The following SYNE2 variants were observed in gnomAD, a reference collection of about 807,000 sequenced individuals.
SYNE2 encodes the protein nesprin-2.
Under a neutral mutation model 856.3 loss-of-function variants are expected in SYNE2, and 431 were observed. The observed-to-expected ratio is 0.50, with a 90% CI of 0.47 to 0.55. The LOEUF is 0.55. Ranked by LOEUF, SYNE2 falls within the 20% of genes least tolerant of loss-of-function variation. The pLI is 0.00. For missense variants in SYNE2, 8,129 were observed against 8,023.2 expected, an observed-to-expected ratio of 1.01 and a Z score of -0.50; for synonymous variants, 2,923 against 2,872.3, an observed-to-expected ratio of 1.02 and a Z score of -0.56.
At position 64,225,400 on chromosome 14, in the gene SYNE2, G is replaced by A. The variant is rs369949914; in HGVS notation, c.20598G>A (p.Leu6866=). 7.3e-5 allele frequency: 117 copies of A among 1,613,424 alleles called. No homozygotes were observed. The highest frequency in any genetic ancestry group is 9.4e-5 in the Non-Finnish European group (111 of 1,179,724). ...RAALPLQLLL[L]LLLLLACLLP... ...CCCTACCCCTGCAGCTGCTCCTCCT[G>A]CTGCTGCTGCTCCTGGCCTGCCTGC... Residue 6866 remains leucine, a synonymous_variant, in exon 116 of 116, where the codon CTG becomes CTA. Coordinates refer to ENST00000555002, the MANE Select transcript of SYNE2 (RefSeq NM_182914.3).
intron 1 of SYNE2, among the ~76,000 whole-genome samples, chr14:63,773,341 G>A (rs954933714): frequency 9.9e-5 from 15 of 151,666 alleles, no homozygotes; most frequent in Non-Finnish European, 1.8e-4. Flanking sequence ...CTGGTACCAC[G>A]GGTGCACACG....
At chr14:63,880,850 AT>A (rs879905508) in intron 1 of SYNE2, among the ~76,000 whole-genome samples, 140 of 137,854 alleles carry the variant, frequency 1.0e-3, no homozygotes, top group Admixed American at 1.4e-3. Context: ...TTTAAAAAAA[AT>A]TTTTTTTTTT....
chr14:63,942,022 CCTT>C (rs1566861876), intron 5 of SYNE2, 26 bp from the exon 6 acceptor site: 1 of 1,596,400 alleles, frequency 6.3e-7, no homozygotes, highest in East Asian at 2.2e-5. Flanking sequence ...GATATTTCCT[CCTT>C]TTAACCTGCA....
At chr14:64,079,004 G>A (rs2097495607) in intron 55 of SYNE2, among the ~76,000 whole-genome samples, 1 of 152,128 alleles carries the variant, frequency 6.6e-6, no homozygotes, top group Non-Finnish European at 1.5e-5. Flanking sequence ...CCCAGGAGAT[G>A]GAGGTTGCAA....
intron 38 of SYNE2, chr14:64,024,019 G>A (rs1320096685): frequency 1.1e-5 from 5 of 463,506 alleles, no homozygotes. Context: ...TCCTGGTCTT[G>A]CTCCTGCTGA....
chr14:64,126,846 T>C, intron 73 of SYNE2, 39 bp downstream of exon 73: 1 of 1,596,786 alleles, frequency 6.3e-7, no homozygotes, highest in Non-Finnish European at 8.5e-7. Context: ...GGCACTGTTT[T>C]AAGTTACAGC....
chr14:64,223,323 ACT>A lies in SYNE2; in HGVS notation c.20327_20328del (p.Leu6776GlnfsTer145). On this transcript the variant is annotated frameshift_variant, in exon 113 of 116. Coordinates refer to ENST00000555002, the MANE Select transcript of SYNE2 (RefSeq NM_182914.3). LOFTEE classifies it high-confidence loss of function. The stretch of plus-strand genomic sequence containing the variant: ...AAAAGGTGCATGTTATTGAGAAGAA[ACT>A]CAAACAGTTACGGGAGCAAGTGTCC... Reference protein sequence around the residue: ...EEKVHVIEKKLKQLREQVSQD... With the variant: ...EEKVHVIEKKXKQLREQVSQD... 6.2e-7 allele frequency: 1 copy of A among 1,614,110 alleles called. No homozygotes were observed. Among genetic ancestry groups the A allele is most frequent in the Non-Finnish European group, 8.5e-7 (1 of 1,179,996 alleles).
In SYNE2 at chr14:64,163,641, C is replaced by A. The variant is rs17101700; in HGVS notation, c.16479+60C>A. On this transcript the variant is annotated intron_variant, in intron 89 of 115. Coordinates refer to ENST00000555002, the MANE Select transcript of SYNE2 (RefSeq NM_182914.3). ...AGACATTTGCATTCCATCCTCAATC[C>A]CTTGTATCCTTTGAAGCAGTAGTGC... 1.4e-3 allele frequency: 2,250 copies of A among 1,594,530 alleles called. 30 individuals carry two copies. The African/African-American group carries it at 0.027, about 19-fold the overall frequency.
chr14:63,978,413 A>G (rs1451035172), intron 13 of SYNE2, among the ~76,000 whole-genome samples: 3 of 152,360 alleles, frequency 2.0e-5, no homozygotes, highest in African/African-American at 7.2e-5. Context: ...AAATACTACA[A>G]ATATTGAGAT....
intron 1 of SYNE2, among the ~76,000 whole-genome samples, chr14:63,881,307 C>T (rs930493758): frequency 3.3e-5 from 5 of 151,958 alleles, no homozygotes; most frequent in African/African-American, 1.2e-4. Flanking sequence ...TTTGAATTAC[C>T]TATGAAGCTA....
intron 99 of SYNE2, among the ~76,000 whole-genome samples, chr14:64,195,813 T>G (rs184049492): frequency 7.4e-4 from 113 of 152,320 alleles, no homozygotes; most frequent in Non-Finnish European, 5.9e-5. Flanking sequence ...CTTGCGTTGG[T>G]CTTAGCAGGT....
intron 94 of SYNE2, among the ~76,000 whole-genome samples, chr14:64,171,459 A>G (rs1171540691): frequency 6.6e-6 from 1 of 152,168 alleles, no homozygotes; most frequent in East Asian, 1.9e-4. Context: ...TTGTAATAAG[A>G]CTTACGTAGA....
chr14:63,996,918 C>A (rs780176501), intron 23 of SYNE2, 29 bp from the exon 24 acceptor site: 1 of 1,603,700 alleles, frequency 6.2e-7, no homozygotes, highest in Non-Finnish European at 8.5e-7. Context: ...TCACCAGAAG[C>A]ACATTTCCTG....
chr14:64,165,937 G>C (rs1167746907), intron 90 of SYNE2, among the ~76,000 whole-genome samples: 1 of 152,150 alleles, frequency 6.6e-6, no homozygotes, highest in Non-Finnish European at 1.5e-5. Context: ...ATTTGTAGTA[G>C]ATGTTTTTTC....
intron 1 of SYNE2, among the ~76,000 whole-genome samples, chr14:63,814,729 T>C (rs111217211): frequency 8.3e-6 from 1 of 119,830 alleles, no homozygotes; most frequent in Non-Finnish European, 1.7e-5. Flanking sequence ...TCCATATATA[T>C]ATCCATATAT....
chr14:63,790,444 C>CA (rs1395973365), intron 1 of SYNE2, among the ~76,000 whole-genome samples: 2 of 152,150 alleles, frequency 1.3e-5, no homozygotes, highest in Non-Finnish European at 2.9e-5. Flanking sequence ...GTTGTGGGCT[C>CA]AAAGTTTACC....
At chr14:64,165,192 C>T in intron 89 of SYNE2, 93 bp from the exon 90 acceptor site, 1 of 1,422,958 alleles carries the variant, frequency 7.0e-7, no homozygotes, top group Non-Finnish European at 9.9e-7. Flanking sequence ...TAGCCAAAAA[C>T]ATCTTGAATT....
At chr14:64,200,952 G>A (rs1596180671) in intron 99 of SYNE2, among the ~76,000 whole-genome samples, 1 of 152,214 alleles carries the variant, frequency 6.6e-6, no homozygotes, top group East Asian at 1.9e-4. Flanking sequence ...AAACACTGAT[G>A]AAAGAACTTT....
At position 64,021,510 on chromosome 14, in the gene SYNE2, C is replaced by T. The variant is rs2096935692; in HGVS notation, c.5347C>T (p.Leu1783=). The T allele has an allele frequency of 6.2e-7, 1 of 1,613,880 alleles. No individual in the cohort carries two copies. Among genetic ancestry groups the T allele is most frequent in the Non-Finnish European group, 8.5e-7 (1 of 1,180,002 alleles). The change falls in exon 36 of 116, where the codon CTA becomes TTA. Residue 1783 remains leucine (L), a synonymous_variant. Transcript: ENST00000555002. The part of the protein sequence containing the change: ...PSDSLEIFTK[L]EEIQQQILQQ... Reference sequence around the variant, plus strand: ...TGACAGCTTGGAGATCTTCACTAAACTAGAGGTGCTACCGAGCTGCTTGTC... The same window carrying T: ...TGACAGCTTGGAGATCTTCACTAAATTAGAGGTGCTACCGAGCTGCTTGTC...
Sources: allele counts gnomAD v4.1 joint callset (sites outside exome capture counted in the v4.1 genomes callset), GRCh38; gene constraint gnomAD v4.1.1; transcripts MANE v1.5; gene names NCBI Gene and HGNC (gene_info 2026-07-23, HGNC 2026-07-21).